The following NCALD variants were observed in gnomAD, a reference collection of about 807,000 sequenced individuals.
The protein encoded by NCALD is neurocalcin-delta.
In NCALD, 10 loss-of-function variants were observed where a neutral mutation model predicts 18.6. The observed-to-expected ratio is 0.54, with a 90% confidence interval of 0.33 to 0.91. NCALD has a LOEUF of 0.91. NCALD is among the 40% of genes least tolerant of loss of function. The probability of loss-of-function intolerance (pLI) is 0.03; values close to 1 mark genes in which losing one functional copy is unlikely to be tolerated. For missense variants in NCALD, 184 were observed against 247.6 expected (o/e 0.74, Z 1.72); for synonymous variants, 88 against 87.4 (o/e 1.01, Z -0.04).
rs563507517 is a variant in NCALD at position 101,719,115 on chromosome 8, A to G, written c.378+137T>C. The G allele has an allele frequency of 2.9e-5, 29 of 1,006,002 alleles. 1 individual carries two copies. In the East Asian group the frequency reaches 6.4e-4, roughly 22 times the overall value. The allele number at this position is 1,006,002 out of a possible 1,614,324, so 62.3% of individuals were successfully genotyped here. A position where few individuals can be genotyped will look rare whatever the true frequency, so the allele number is the denominator to read the frequency against. ...CACTGTAATGCAGTTTAAACTGTTC[A>G]AACATGCAGGGTGGGCCAAATGAAG... On this transcript the variant is annotated intron_variant, in intron 2 of 3. Transcript: ENST00000220931.
rs751227273 is a variant in NCALD at position 102,091,711 on chromosome 8, C to T, written c.-210+32526G>A. 9.9e-5 allele frequency among the ~76,000 whole-genome samples: 15 copies of T among 152,134 alleles called. No homozygotes were observed. The South Asian group carries it at 1.2e-3, about 13-fold the overall frequency. ...AAGCTTACTGAATGTTTTCTTAAAT[C>T]GAACAATTATTAATCTTCCAGATAT... On this transcript the variant is annotated intron_variant, in intron 1 of 6. Coordinates refer to the NCALD transcript ENST00000311028.
chr8:101,835,108 T>C (rs577640938), intron 4 of NCALD, among the ~76,000 whole-genome samples: 25 of 152,256 alleles, frequency 1.6e-4, no homozygotes, highest in Non-Finnish European at 2.5e-4. Flanking sequence ...GAATCTTACA[T>C]AGAAGTCCAA....
At chr8:101,691,107 G>A (rs1175731111) in intron 3 of NCALD, 16 of 985,174 alleles carry the variant, frequency 1.6e-5, no homozygotes, top group African/African-American at 7.0e-5. Context: ...CTCTGCTCTC[G>A]GCAGGGAGGG....
chr8:101,849,880 C>T (rs760355854), intron 4 of NCALD, among the ~76,000 whole-genome samples: 3 of 152,216 alleles, frequency 2.0e-5, no homozygotes, highest in Non-Finnish European at 2.9e-5. Flanking sequence ...ACACTGAAGA[C>T]GGGGGCCCTT....
chr8:101,982,669 T>C (rs1230058689), intron 2 of NCALD, among the ~76,000 whole-genome samples: 1 of 151,848 alleles, frequency 6.6e-6, no homozygotes, highest in Admixed American at 6.6e-5. Context: ...TGAAACTCCG[T>C]CTCCACCAAA....
chr8:101,824,857 C>G (rs908638914), intron 4 of NCALD, among the ~76,000 whole-genome samples: 1 of 152,164 alleles, frequency 6.6e-6, no homozygotes, highest in African/African-American at 2.4e-5. Context: ...CAGAGGCCAT[C>G]ATTCATTCTG....
At chr8:101,830,941 C>T (rs137939370) in intron 4 of NCALD, among the ~76,000 whole-genome samples, 318 of 151,922 alleles carry the variant, frequency 2.1e-3, no homozygotes, top group East Asian at 6.8e-3. Flanking sequence ...GAGTGAAGGG[C>T]AACATGAGAC....
At position 101,727,466 on chromosome 8, in the gene NCALD, A is replaced by G. The variant is rs554746787; in HGVS notation, c.-19-7818T>C. Among the ~76,000 whole-genome samples, 3 of 152,250 alleles carry G rather than the reference A, an allele frequency of 2.0e-5. No individual in the cohort carries two copies. The South Asian group carries it at 6.2e-4, about 32-fold the overall frequency. ...AGAGTAATGAGTAACCTTTTATAAA[A>G]TATTTTCATTTTTTAGAGACAGGGT... On this transcript the variant is annotated intron_variant, in intron 1 of 3. Transcript: ENST00000220931.
chr8:102,073,734 C>T (rs1408596913), intron 1 of NCALD, among the ~76,000 whole-genome samples: 1 of 152,188 alleles, frequency 6.6e-6, no homozygotes, highest in Non-Finnish European at 1.5e-5. Flanking sequence ...CTTCAGGACC[C>T]TTTCTGAGGG....
intron 1 of NCALD, among the ~76,000 whole-genome samples, chr8:102,091,675 G>C (rs1824928651): frequency 6.6e-6 from 1 of 152,178 alleles, no homozygotes. Flanking sequence ...CTCTGTGTAG[G>C]AATGCAGGAT....
rs544541147 is a variant in NCALD, at chr8:102,045,955, C to A, written c.-209-25666G>T. Among the ~76,000 whole-genome samples, 6 of 152,192 alleles carry A rather than the reference C, an allele frequency of 3.9e-5. No individual in the cohort carries two copies. In the South Asian group the frequency reaches 1.0e-3, roughly 26 times the overall value. ...CCTATAATGTGGCAATCACTGAGCT[C>A]GAAACTGAATGCTAAGATAACTTTC... On this transcript the variant is annotated intron_variant, in intron 1 of 6. Coordinates refer to the NCALD transcript ENST00000311028.
intron 1 of NCALD, among the ~76,000 whole-genome samples, chr8:102,075,395 TC>T (rs1824310548): frequency 6.6e-6 from 1 of 152,214 alleles, no homozygotes; most frequent in Admixed American, 6.5e-5. Flanking sequence ...TCTCATTTTC[TC>T]AGGACTTGAT....
At chr8:102,096,326 T>C (rs59050929) in intron 1 of NCALD, among the ~76,000 whole-genome samples, 3,980 of 152,208 alleles carry the variant, frequency 0.026, 134 homozygotes, top group East Asian at 0.13. Context: ...TGTATCTGTG[T>C]CCTAATCTCC....
Position 101,804,667 on chromosome 8 carries a change from A to C in NCALD, c.-20+82474T>G, listed in dbSNP as rs540950741. Among the ~76,000 whole-genome samples the C allele has an allele frequency of 4.5e-3, 504 of 112,470 alleles. 1 individual carries two copies. Among genetic ancestry groups the C allele is most frequent in the Non-Finnish European group, 6.6e-3 (379 of 57,266 alleles). The allele number at this position is 112,470 out of a possible 152,430, so 73.8% of individuals were successfully genotyped here. A position where few individuals can be genotyped will look rare whatever the true frequency, so the allele number is the denominator to read the frequency against. On this transcript the variant is annotated intron_variant, in intron 4 of 6. Transcript: ENST00000311028. ...TATATATTAGTATAATATAATTATC[A>C]TATAATATAATTAATAAATTAATAC...
chr8:101,898,757 A>G (rs1817306384), intron 3 of NCALD, among the ~76,000 whole-genome samples: 1 of 152,162 alleles, frequency 6.6e-6, no homozygotes, highest in East Asian at 1.9e-4. Flanking sequence ...TCTCTTTGCT[A>G]ATTCCACACA....
At chr8:101,904,430 T>C (rs79401830) in intron 3 of NCALD, among the ~76,000 whole-genome samples, 11 of 152,260 alleles carry the variant, frequency 7.2e-5, no homozygotes, top group African/African-American at 2.6e-4. Context: ...TTCCTTCCTT[T>C]ATGACTCCAA....
rs566709171 is a variant in NCALD at position 101,765,422 on chromosome 8, G to A, written c.-20+25440C>T. Among the ~76,000 whole-genome samples the A allele has an allele frequency of 3.3e-5, 5 of 152,194 alleles. No homozygotes were observed. The South Asian group carries it at 8.3e-4, about 25-fold the overall frequency. On this transcript the variant is annotated intron_variant, in intron 1 of 3. Coordinates refer to ENST00000220931, the MANE Select transcript of NCALD (RefSeq NM_032041.3). ...GGCAATGAGAACTACTGGGGTCTCC[G>A]GCTATTGTCAAACCCCGACATGTGC...
chr8:101,902,490 C>T (rs1336212901), intron 3 of NCALD, among the ~76,000 whole-genome samples: 1 of 152,216 alleles, frequency 6.6e-6, no homozygotes, highest in African/African-American at 2.4e-5. Flanking sequence ...CTCCTTTCAA[C>T]AGCCCTCTGT....
At chr8:101,781,390 G>A (rs931926733) in intron 1 of NCALD, among the ~76,000 whole-genome samples, 8 of 152,064 alleles carry the variant, frequency 5.3e-5, no homozygotes, top group Non-Finnish European at 1.2e-4. Context: ...AGAGCTCAGG[G>A]CTCACCAAGG....
Sources: gnomAD v4.1 joint callset for allele counts (sites outside exome capture counted in the v4.1 genomes callset) on GRCh38, gnomAD v4.1.1 for gene constraint, MANE v1.5 for transcripts, NCBI Gene and HGNC (gene_info 2026-07-23, HGNC 2026-07-21) for gene names.